The following LEPR variants were observed in gnomAD, a reference collection of about 807,000 sequenced individuals.
The protein encoded by LEPR is OB receptor.
In LEPR, 56 loss-of-function variants were observed where a neutral mutation model predicts 114.7. That is an observed-to-expected ratio of 0.49 (90% CI 0.39 to 0.61). The LOEUF is 0.61. Ranked by LOEUF, LEPR falls within the 20% of genes least tolerant of loss-of-function variation. LEPR has a pLI of 0.00. For missense variants in LEPR, 1,202 were observed against 1,352.9 expected, an observed-to-expected ratio of 0.89 and a Z score of 1.75; for synonymous variants, 443 against 461.4, an observed-to-expected ratio of 0.96 and a Z score of 0.51.
intron 2 of LEPR, among the ~76,000 whole-genome samples, chr1:65,499,526 A>T (rs916063038): frequency 6.6e-6 from 1 of 152,130 alleles, no homozygotes; most frequent in African/African-American, 2.4e-5. Context: ...TTCCGGGAAG[A>T]TACTTAATGT....
chr1:65,565,209 T>A (rs1318856052), intron 2 of LEPR, among the ~76,000 whole-genome samples: 1 of 152,224 alleles, frequency 6.6e-6, no homozygotes. Context: ...TGATGTTAAA[T>A]TAGCTGTTAC....
rs551535755 is a variant in LEPR, at chr1:65,550,969, C to G, written c.-20-14577C>G. ...CTATTCGGCCACCTTGGCTCCTCCC[C>G]CCATCATGTGGTTTTTGTCATTGGT... On this transcript the variant is annotated intron_variant, in intron 2 of 19. Coordinates refer to ENST00000349533, the MANE Select transcript of LEPR (RefSeq NM_002303.6). Among the ~76,000 whole-genome samples the G allele has an allele frequency of 5.9e-5, 9 of 151,840 alleles. No homozygotes were observed. In the South Asian group the frequency reaches 1.9e-3, roughly 32 times the overall value.
chr1:65,550,328 C>T (rs1272902108), intron 2 of LEPR, among the ~76,000 whole-genome samples: 1 of 152,174 alleles, frequency 6.6e-6, no homozygotes, highest in African/African-American at 2.4e-5. Context: ...GCTGGGAGAA[C>T]CACTGCTCTC....
intron 14 of LEPR, 88 bp from the exon 15 acceptor site, chr1:65,615,920 A>C: frequency 6.4e-7 from 1 of 1,564,650 alleles, no homozygotes; most frequent in Non-Finnish European, 8.7e-7. Context: ...GCCTCCTAAT[A>C]AGAAATGTAG....
At chr1:65,605,299 A>T in intron 11 of LEPR, 62 bp downstream of exon 11, 1 of 1,595,686 alleles carries the variant, frequency 6.3e-7, no homozygotes, top group Non-Finnish European at 8.6e-7. Context: ...ATTGATGCAG[A>T]TTTAATGTTA....
chr1:65,435,516 C>T (rs929811409), intron 2 of LEPR: 62 of 375,798 alleles, frequency 1.6e-4, no homozygotes, highest in East Asian at 9.8e-4. Context: ...TACAGGCTCC[C>T]GCCACCACGC....
chr1:65,607,192 A>G (rs1344288713), intron 11 of LEPR, among the ~76,000 whole-genome samples: 4 of 152,130 alleles, frequency 2.6e-5, no homozygotes, highest in African/African-American at 9.7e-5. Flanking sequence ...TGGGTTATTT[A>G]GGTTTCTTTT....
intron 2 of LEPR, among the ~76,000 whole-genome samples, chr1:65,550,716 C>G (rs569463409): frequency 6.6e-6 from 1 of 152,314 alleles, no homozygotes; most frequent in East Asian, 1.9e-4. Context: ...CAGGTGCCGT[C>G]TGTCACCTCT....
intron 11 of LEPR, 117 bp downstream of exon 11, chr1:65,605,354 G>A: frequency 1.5e-6 from 2 of 1,337,860 alleles, no homozygotes; most frequent in Admixed American, 1.8e-5. Context: ...AAAAAAAATT[G>A]TTCCTGTTTA....
rs143999629 is a variant in LEPR at position 65,440,443 on chromosome 1, A to T, written c.-21+15065A>T. On this transcript the variant is annotated intron_variant, in intron 2 of 19. Transcript: ENST00000349533. ...GTATGTTAGTGGAAATGCTAAGGCA[A>T]AAAAAGGAAGAAAGGGATGTAGAAT... 1.5e-3 allele frequency among the ~76,000 whole-genome samples: 231 copies of T among 152,146 alleles called. 1 individual carries two copies. The highest frequency in any genetic ancestry group is 5.4e-3 in the African/African-American group (226 of 41,498).
intron 3 of LEPR, among the ~76,000 whole-genome samples, chr1:65,568,501 AGTGT>A (rs35333524): frequency 3.8e-4 from 56 of 148,122 alleles, no homozygotes; most frequent in Non-Finnish European, 5.4e-4. Context: ...ATGGTGTGTG[AGTGT>A]GTGTGTGTGT....
At chr1:65,577,692 A>T in intron 5 of LEPR, 1 of 190,090 alleles carries the variant, frequency 5.3e-6, no homozygotes, top group Non-Finnish European at 1.1e-5. Context: ...TATGACCATC[A>T]CATCATCAAT....
chr1:65,487,491 C>T (rs1052932809), intron 2 of LEPR, among the ~76,000 whole-genome samples: 2 of 151,672 alleles, frequency 1.3e-5, no homozygotes, highest in Non-Finnish European at 2.9e-5. Context: ...CATTTATATG[C>T]ATATATCTTA....
chr1:65,426,997 CAAA>C (rs55809705), intron 2 of LEPR, among the ~76,000 whole-genome samples: 4 of 137,348 alleles, frequency 2.9e-5, no homozygotes, highest in Admixed American at 1.5e-4. Context: ...ACTTTGTCTC[CAAA>C]AAAAAAAAAA....
At chr1:65,583,850 A>AC (rs1655151947) in intron 5 of LEPR, among the ~76,000 whole-genome samples, 1 of 152,150 alleles carries the variant, frequency 6.6e-6, no homozygotes, top group Admixed American at 6.6e-5. Flanking sequence ...AATATGCTCT[A>AC]CATGTTCAAG....
rs1658741943 is a variant in LEPR, at chr1:65,637,066, T to C, written c.*51T>C. The stretch of plus-strand genomic sequence containing the variant: ...GTGTTATAATGGGTAATATAAAGTG[T>C]AATAGATTATAGTTGTGGGTGGGAG... On this transcript the variant is annotated 3_prime_UTR_variant, in exon 20 of 20. Coordinates refer to ENST00000349533, the MANE Select transcript of LEPR (RefSeq NM_002303.6). 6.7e-7 allele frequency: 1 copy of C among 1,493,532 alleles called. No individual in the cohort carries two copies. The highest frequency in any genetic ancestry group is 1.5e-5 in the African/African-American group (1 of 67,172). The allele number at this position is 1,493,532 out of a possible 1,614,324, so 92.5% of individuals were successfully genotyped here.
rs184346372 is a variant in LEPR, at chr1:65,544,257, T to G, written c.-20-21289T>G. Among the ~76,000 whole-genome samples the G allele has an allele frequency of 1.7e-4, 26 of 152,136 alleles. 1 individual carries two copies. The East Asian group carries it at 3.3e-3, about 19-fold the overall frequency. On this transcript the variant is annotated intron_variant, in intron 2 of 19. Coordinates refer to ENST00000349533, the MANE Select transcript of LEPR (RefSeq NM_002303.6). ...GTGCTCTGTTTGCCTATTATTGGTG[T>G]ATAGGAATGCTTGTGATTTTCACAC...
At chr1:65,549,959 C>G (rs1424030223) in intron 2 of LEPR, among the ~76,000 whole-genome samples, 2 of 152,134 alleles carry the variant, frequency 1.3e-5, no homozygotes, top group Non-Finnish European at 1.5e-5. Flanking sequence ...TACTTTTGGT[C>G]TTTGCTGATG....
At chr1:65,626,056 A>G in intron 19 of LEPR, 1 of 1,450,194 alleles carries the variant, frequency 6.9e-7, no homozygotes, top group Admixed American at 1.9e-5. Context: ...GAGGGCCATG[A>G]AATGATCAGG....
Sources: allele counts gnomAD v4.1 joint callset (sites outside exome capture counted in the v4.1 genomes callset), GRCh38; gene constraint gnomAD v4.1.1; transcripts MANE v1.5; gene names NCBI Gene and HGNC (gene_info 2026-07-23, HGNC 2026-07-21).